The following GBF1 variants were observed in gnomAD, a reference collection of about 807,000 sequenced individuals.
The protein encoded by GBF1 is Golgi-specific brefeldin A-resistance guanine nucleotide exchange factor 1.
GBF1 carries 114 observed loss-of-function variants against 210.5 expected under a neutral mutation model. The observed-to-expected ratio is 0.54, with a 90% confidence interval of 0.47 to 0.63. The LOEUF (loss-of-function observed/expected upper bound fraction) is 0.63. Ranked by LOEUF, GBF1 falls within the 30% of genes least tolerant of loss-of-function variation. The pLI is 0.00. For missense variants in GBF1, 1,851 were observed against 2,357.7 expected, an observed-to-expected ratio of 0.79 and a Z score of 4.45; for synonymous variants, 850 against 889.2, an observed-to-expected ratio of 0.96 and a Z score of 0.78.
At chr10:102,330,368 A>G (rs572610764) in intron 3 of GBF1, among the ~76,000 whole-genome samples, 13 of 152,054 alleles carry the variant, frequency 8.5e-5, no homozygotes, top group Non-Finnish European at 1.9e-4. Flanking sequence ...ATAAAATTAT[A>G]TATGGTAATT....
intron 3 of GBF1, among the ~76,000 whole-genome samples, chr10:102,268,296 T>C (rs938314659): frequency 1.3e-5 from 2 of 152,220 alleles, no homozygotes; most frequent in African/African-American, 2.4e-5. Flanking sequence ...ACTAGTTTCC[T>C]GGCTGTTGAG....
chr10:102,242,703 C>CG (rs1469131943), upstream of GBF1, among the ~76,000 whole-genome samples: 1 of 151,842 alleles, frequency 6.6e-6, no homozygotes, highest in Non-Finnish European at 1.5e-5. Flanking sequence ...CCGAGGCGGG[C>CG]GGATCACAAG....
At chr10:102,320,369 T>A (rs1327324450) in intron 3 of GBF1, among the ~76,000 whole-genome samples, 1 of 152,186 alleles carries the variant, frequency 6.6e-6, no homozygotes, top group Admixed American at 6.5e-5. Flanking sequence ...ACACTTGGTG[T>A]GGGTCTCTTT....
At chr10:102,344,727 G>A (rs990111972) in intron 4 of GBF1, among the ~76,000 whole-genome samples, 2 of 151,996 alleles carry the variant, frequency 1.3e-5, no homozygotes, top group Admixed American at 6.6e-5. Context: ...TGATCTGCCC[G>A]CCTTGGCCTC....
In GBF1 at chr10:102,359,397, C is replaced by T; in HGVS notation, c.1142C>T (p.Pro381Leu). 6.2e-7 allele frequency: 1 copy of T among 1,613,924 alleles called. No homozygotes were observed. The highest frequency in any genetic ancestry group is 8.5e-7 in the Non-Finnish European group (1 of 1,179,858). The change falls in exon 11 of 40, where the codon CCC becomes CTC. Residue 381 changes from proline to leucine, a missense_variant. Pro to Leu is a moderately conservative substitution (Grantham distance 98). This residue lies in a region of GBF1 where 804 missense variants were observed against 958.6 expected (regional missense o/e 0.84). Transcript: ENST00000369983. ...GTCCATGACATGGATTACGTCAATCCCCGGGGCGTGCGCTTTACACAGTCC... is the reference window on the plus strand; with the variant it reads ...GTCCATGACATGGATTACGTCAATCTCCGGGGCGTGCGCTTTACACAGTCC... Reference protein sequence around the residue: ...ASVHDMDYVNPRGVRFTQSSQ... With the variant: ...ASVHDMDYVNLRGVRFTQSSQ...
At position 102,259,047 on chromosome 10, in the gene GBF1, T is replaced by C. The variant is rs775460946; in HGVS notation, c.96+13T>C. 11 of 1,361,218 alleles carry C rather than the reference T, an allele frequency of 8.1e-6. No individual in the cohort carries two copies. Among genetic ancestry groups the C allele is most frequent in the Admixed American group, 1.7e-5 (1 of 59,640 alleles). 84.3% of individuals were successfully genotyped at this position (1,361,218 alleles called of 1,614,324 possible). A position where few individuals can be genotyped will look rare whatever the true frequency, so the allele number is the denominator to read the frequency against. On this transcript the variant is annotated intron_variant, in intron 2 of 39. Coordinates refer to ENST00000369983, the MANE Select transcript of GBF1 (RefSeq NM_001377137.1). ...CCATACACCACTGGTAAGTGGGAAA[T>C]GGATAAATAGCCTGGTCACTAAGTT...
At chr10:102,280,798 A>G (rs1018685880) in intron 3 of GBF1, among the ~76,000 whole-genome samples, 5 of 152,282 alleles carry the variant, frequency 3.3e-5, no homozygotes, top group Admixed American at 2.6e-4. Context: ...TGACAGGACC[A>G]TGTGGCAGGA....
chr10:102,294,296 A>G (rs2076727943), intron 3 of GBF1, among the ~76,000 whole-genome samples: 2 of 151,884 alleles, frequency 1.3e-5, no homozygotes, highest in South Asian at 4.2e-4. Context: ...CTATTCACTC[A>G]CTGACTTATC....
At chr10:102,284,443 T>TA in intron 3 of GBF1, among the ~76,000 whole-genome samples, 1 of 152,184 alleles carries the variant, frequency 6.6e-6, no homozygotes, top group Non-Finnish European at 1.5e-5. Flanking sequence ...CAGCCCCTGG[T>TA]AGCCATCCAT....
Position 102,360,242 on chromosome 10 carries a change from C to T in GBF1, c.1239C>T (p.Ile413=). Residue 413 remains isoleucine (I), a synonymous_variant, in exon 12 of 40, where the codon ATC becomes ATT. Transcript: ENST00000369983. ...TCCGCGAGCTCTTCCGCTTCCTCAT[C>T]TCCCTCACCAATCCACACGACCGCC... is the stretch of plus-strand genomic sequence containing the variant. ...PCIRELFRFL[I]SLTNPHDRHN... is the part of the protein sequence containing the mutation. The T allele has an allele frequency of 6.2e-7, 1 of 1,614,062 alleles. No homozygotes were observed. Among genetic ancestry groups the T allele is most frequent in the Non-Finnish European group, 8.5e-7 (1 of 1,179,902 alleles).
At chr10:102,314,255 C>T (rs1367343545) in intron 3 of GBF1, among the ~76,000 whole-genome samples, 2 of 150,014 alleles carry the variant, frequency 1.3e-5, no homozygotes, top group Admixed American at 6.7e-5. Flanking sequence ...AAGTGATCCT[C>T]CTGTCTCAGC....
In GBF1 at chr10:102,260,058, A is replaced by G; in HGVS notation, c.105A>G (p.Glu35=). Residue 35 remains glutamate (E), a synonymous_variant, in exon 3 of 40, where the codon GAA becomes GAG. Coordinates refer to ENST00000369983, the MANE Select transcript of GBF1 (RefSeq NM_001377137.1). The part of the protein sequence containing the change: ...RWSTHTPLDE[E]RDPLLHSFGH... ...ATCTATGTGTTCTACAGGATGAAGAACGGGATCCTCTGCTGCATAGTTTCG... is the reference window on the plus strand; with the variant it reads ...ATCTATGTGTTCTACAGGATGAAGAGCGGGATCCTCTGCTGCATAGTTTCG... 6.3e-7 allele frequency: 1 copy of G among 1,584,774 alleles called. No homozygotes were observed. Among genetic ancestry groups the G allele is most frequent in the Non-Finnish European group, 8.7e-7 (1 of 1,153,830 alleles).
Position 102,379,547 on chromosome 10 carries a change from C to T in GBF1, c.4672C>T (p.Arg1558Trp), listed in dbSNP as rs200951370. 2.7e-5 allele frequency: 43 copies of T among 1,613,960 alleles called. No individual in the cohort carries two copies. The highest frequency in any genetic ancestry group is 3.3e-5 in the Admixed American group (2 of 59,986). The change falls in exon 35 of 40, where the codon CGG becomes TGG. Residue 1558 changes from arginine to tryptophan, a missense_variant. By Grantham distance (101) the Arg-to-Trp change is moderately radical (BLOSUM62 -3). Coordinates refer to ENST00000369983, the MANE Select transcript of GBF1 (RefSeq NM_001377137.1). ...QGIACLCCDA[R>W]RQVRMQALTY... ...TATTGCCTGCCTGTGCTGCGATGCC[C>T]GGCGCCAGGTACGGATGCAGGCACT... is the stretch of plus-strand genomic sequence containing the variant.
chr10:102,230,754 G>C, the GBF1 span: 2 of 1,483,010 alleles, frequency 1.3e-6, no homozygotes, highest in Middle Eastern at 2.0e-4. Flanking sequence ...GAGCCAGCCC[G>C]GGGGGGCCCC....
intron 1 of GBF1, among the ~76,000 whole-genome samples, chr10:102,258,295 C>A (rs1016814448): frequency 6.6e-6 from 1 of 150,944 alleles, no homozygotes; most frequent in African/African-American, 2.4e-5. Context: ...GCTGAGATTA[C>A]AGGCATGCGC....
intron 3 of GBF1, among the ~76,000 whole-genome samples, chr10:102,338,649 T>C (rs1217778014): frequency 6.6e-6 from 1 of 151,824 alleles, no homozygotes; most frequent in African/African-American, 2.4e-5. Flanking sequence ...TGTGTGAGGG[T>C]TACACACAGA....
intron 4 of GBF1, among the ~76,000 whole-genome samples, chr10:102,348,571 G>A (rs2134701907): frequency 6.6e-6 from 1 of 152,322 alleles, no homozygotes; most frequent in East Asian, 1.9e-4. Flanking sequence ...TGTCAGGCAG[G>A]GCTATGAGAT....
At chr10:102,349,285 T>G (rs546560941) in intron 4 of GBF1, among the ~76,000 whole-genome samples, 1 of 152,182 alleles carries the variant, frequency 6.6e-6, no homozygotes, top group South Asian at 2.1e-4. Flanking sequence ...GTAATCCCAG[T>G]ACTTTGGGAG....
chr10:102,312,642 G>C (rs2078568809), intron 3 of GBF1, among the ~76,000 whole-genome samples: 1 of 152,192 alleles, frequency 6.6e-6, no homozygotes, highest in Non-Finnish European at 1.5e-5. Flanking sequence ...ATCTTAGTTG[G>C]AGTAAGCCTA....
Sources: gnomAD v4.1 joint callset for allele counts (sites outside exome capture counted in the v4.1 genomes callset) on GRCh38, gnomAD v4.1.1 for gene constraint, gnomAD v4.1.1 regional missense constraint, MANE v1.5 for transcripts, NCBI Gene and HGNC (gene_info 2026-07-23, HGNC 2026-07-21) for gene names.